The following CDH8 variants were observed in gnomAD, a reference collection of about 807,000 sequenced individuals.
The protein encoded by CDH8 is cadherin 8.
CDH8 carries 17 observed loss-of-function variants against 68.1 expected under a neutral mutation model. The ratio of observed to expected loss-of-function variants is 0.25; its 90% CI spans 0.17 to 0.37. The LOEUF is 0.37. CDH8 is among the 10% of genes least tolerant of loss of function. The probability of loss-of-function intolerance (pLI) is 1.00; values close to 1 mark genes in which losing one functional copy is unlikely to be tolerated. For synonymous variants in CDH8, 372 were observed against 365.1 expected, an observed-to-expected ratio of 1.02 and a Z score of -0.21; for missense variants, 763 against 999.3, an observed-to-expected ratio of 0.76 and a Z score of 3.19.
chr16:61,774,388 T>A (rs749194694), intron 8 of CDH8, among the ~76,000 whole-genome samples: 1 of 150,020 alleles, frequency 6.7e-6, no homozygotes, highest in Non-Finnish European at 1.5e-5. Context: ...ACACAGTCAG[T>A]GCCCCACAAT....
chr16:61,923,614 T>C (rs1238379131), intron 2 of CDH8, among the ~76,000 whole-genome samples: 1 of 151,714 alleles, frequency 6.6e-6, no homozygotes, highest in Non-Finnish European at 1.5e-5. Context: ...AAATACTATA[T>C]GTCACATATA....
At chr16:61,972,571 G>GGGTGTGTGTGT (rs369833002) in intron 2 of CDH8, among the ~76,000 whole-genome samples, 2,954 of 131,484 alleles carry the variant, frequency 0.022, 79 homozygotes, top group African/African-American at 0.052. Flanking sequence ...ACACATTGTG[G>GGGTGTGTGTGT]GTGTGTGTGT....
intron 2 of CDH8, among the ~76,000 whole-genome samples, chr16:62,011,176 A>T (rs959785352): frequency 6.6e-6 from 1 of 152,158 alleles, no homozygotes; most frequent in Non-Finnish European, 1.5e-5. Flanking sequence ...GTATTTTGCT[A>T]CTGCCTTCCA....
intron 2 of CDH8, among the ~76,000 whole-genome samples, chr16:61,910,910 A>G (rs1053702460): frequency 6.6e-6 from 1 of 152,212 alleles, no homozygotes; most frequent in Non-Finnish European, 1.5e-5. Flanking sequence ...AACGTCTTAC[A>G]TTGGGCAAGT....
chr16:61,956,576 G>C (rs1193215110), intron 2 of CDH8, among the ~76,000 whole-genome samples: 2 of 152,068 alleles, frequency 1.3e-5, no homozygotes, highest in Non-Finnish European at 2.9e-5. Context: ...ACACAAAGCA[G>C]TATCTATTTT....
intron 7 of CDH8, among the ~76,000 whole-genome samples, chr16:61,791,747 G>A (rs1004699672): frequency 6.6e-6 from 1 of 151,970 alleles, no homozygotes; most frequent in Non-Finnish European, 1.5e-5. Flanking sequence ...GAGCAAAAAC[G>A]GGGTATTTGG....
intron 7 of CDH8, among the ~76,000 whole-genome samples, chr16:61,812,784 G>T (rs1053345414): frequency 6.6e-6 from 1 of 152,148 alleles, no homozygotes; most frequent in Non-Finnish European, 1.5e-5. Context: ...CCATAATCTA[G>T]AAGAGCGTGC....
chr16:61,695,830 C>G (rs575411339), intron 10 of CDH8, among the ~76,000 whole-genome samples: 1 of 152,044 alleles, frequency 6.6e-6, no homozygotes, highest in East Asian at 1.9e-4. Context: ...GTTTTTTTAA[C>G]TGATTTATGA....
intron 3 of CDH8, among the ~76,000 whole-genome samples, chr16:61,881,698 C>T (rs1963581490): frequency 6.6e-6 from 1 of 152,132 alleles, no homozygotes; most frequent in Non-Finnish European, 1.5e-5. Context: ...TTTATCCTTT[C>T]ACATAATTTT....
At chr16:61,967,409 G>A (rs1965269712) in intron 2 of CDH8, among the ~76,000 whole-genome samples, 1 of 152,178 alleles carries the variant, frequency 6.6e-6, no homozygotes, top group African/African-American at 2.4e-5. Context: ...AAAATCTCAT[G>A]CTGGGATTAA....
intron 9 of CDH8, among the ~76,000 whole-genome samples, chr16:61,723,652 A>C (rs374886408): frequency 3.3e-5 from 5 of 150,782 alleles, no homozygotes; most frequent in African/African-American, 1.2e-4. Context: ...CTACATTTTC[A>C]GTATCTAGCC....
chr16:61,781,328 T>A (rs1961047497), intron 8 of CDH8, among the ~76,000 whole-genome samples: 1 of 152,152 alleles, frequency 6.6e-6, no homozygotes, highest in Non-Finnish European at 1.5e-5. Flanking sequence ...AAAGGTGGCA[T>A]GGGCCTTGGT....
intron 8 of CDH8, among the ~76,000 whole-genome samples, chr16:61,783,154 A>G (rs532628909): frequency 3.6e-4 from 50 of 139,542 alleles, no homozygotes; most frequent in African/African-American, 1.3e-3. Flanking sequence ...ACGGGAGGAC[A>G]TTCAAACCAA....
chr16:61,808,010 G>A (rs1283578125), intron 7 of CDH8, among the ~76,000 whole-genome samples: 4 of 152,160 alleles, frequency 2.6e-5, no homozygotes, highest in East Asian at 1.9e-4. Context: ...GCTACAAAGT[G>A]TAAATGTAAA....
At chr16:61,971,158 T>C (rs1211895618) in intron 2 of CDH8, among the ~76,000 whole-genome samples, 1 of 152,134 alleles carries the variant, frequency 6.6e-6, no homozygotes, top group African/African-American at 2.4e-5. Context: ...CTGATAATAA[T>C]CCACCACCCT....
chr16:61,817,924 A>C, intron 6 of CDH8, 192 bp from the exon 7 acceptor site: 1 of 503,738 alleles, frequency 2.0e-6, no homozygotes, highest in Non-Finnish European at 3.5e-6. Context: ...TTATTATATA[A>C]GCTCAGTGAA....
chr16:61,889,996 AG>A (rs1345073623), intron 3 of CDH8, among the ~76,000 whole-genome samples: 5 of 152,200 alleles, frequency 3.3e-5, no homozygotes, highest in Admixed American at 6.5e-5. Context: ...CAATATTTCA[AG>A]TACCAGAACA....
chr16:61,759,168 A>T (rs529466690), intron 8 of CDH8, among the ~76,000 whole-genome samples: 1 of 152,206 alleles, frequency 6.6e-6, no homozygotes, highest in Non-Finnish European at 1.5e-5. Flanking sequence ...ATGAATTACA[A>T]ATTGATTTGT....
chr16:61,892,262 A>C (rs777854917), intron 3 of CDH8, among the ~76,000 whole-genome samples: 10 of 152,146 alleles, frequency 6.6e-5, no homozygotes, highest in Non-Finnish European at 1.3e-4. Flanking sequence ...TAAAACCAAA[A>C]ATGTATTCTC....
Sources: gnomAD v4.1 joint callset for allele counts (sites outside exome capture counted in the v4.1 genomes callset) on GRCh38, gnomAD v4.1.1 for gene constraint, MANE v1.5 for transcripts, NCBI Gene and HGNC (gene_info 2026-07-23, HGNC 2026-07-21) for gene names.